Variants in ZEB2 observed in about 807,000 individuals in gnomAD.
ZEB2 encodes zinc finger E-box binding homeobox 2, also known as zinc finger E-box-binding homeobox 2.
Under a neutral mutation model 99.9 loss-of-function variants are expected in ZEB2, and 6 were observed. That is an observed-to-expected ratio of 0.06 (90% CI 0.03 to 0.12). ZEB2 has a LOEUF of 0.12. Among genes scored for constraint, ZEB2 ranks in the 10% least tolerant of loss-of-function variants. The probability of loss-of-function intolerance (pLI) is 1.00; values close to 1 mark genes in which losing one functional copy is unlikely to be tolerated. For synonymous variants in ZEB2, 517 were observed against 542.5 expected (o/e 0.95, Z 0.65); for missense variants, 969 against 1,502.8 (o/e 0.64, Z 5.87).
At chr2:144,446,005 CAT>C (rs1470017196) in intron 2 of ZEB2, among the ~76,000 whole-genome samples, 4 of 152,158 alleles carry the variant, frequency 2.6e-5, no homozygotes, top group Admixed American at 6.5e-5. Flanking sequence ...AGAGGTAAGA[CAT>C]GTGGGGATAC....
chr2:144,512,640 A>G (rs1159889545), intron 2 of ZEB2: 1 of 1,287,150 alleles, frequency 7.8e-7, no homozygotes, highest in African/African-American at 1.5e-5. Context: ...TAAAATCCTC[A>G]GCCCACCCTT....
Position 144,388,998 on chromosome 2 carries a change from T to C in ZEB2, c.*453A>G, listed in dbSNP as rs1429527818. Reference sequence around the variant, plus strand: ...AAGTACAGAGGAATCATAATACTGATGCATTGTAGTGCGAGCACATTAAAT... The same window carrying C: ...AAGTACAGAGGAATCATAATACTGACGCATTGTAGTGCGAGCACATTAAAT... On this transcript the variant is annotated 3_prime_UTR_variant, in exon 10 of 10. Transcript: ENST00000627532. The surrounding 1 kb of genome is among the most constrained non-coding windows in gnomAD (Gnocchi z 5.4). 2.4e-6 allele frequency: 1 copy of C among 414,796 alleles called. No homozygotes were observed. The highest frequency in any genetic ancestry group is 4.5e-6 in the Non-Finnish European group (1 of 220,548). 25.7% of individuals were successfully genotyped at this position (414,796 alleles called of 1,614,324 possible). A position where few individuals can be genotyped will look rare whatever the true frequency, so the allele number is the denominator to read the frequency against.
rs910719372 is a variant in ZEB2 at position 144,387,985 on chromosome 2, T to C, written c.*1466A>G. The C allele has an allele frequency of 6.5e-6, 1 of 152,746 alleles. No individual in the cohort carries two copies. The allele number at this position is 152,746 out of a possible 1,614,324, so 9.5% of individuals were successfully genotyped here. ...GTTAATGGTCATTGAAGGAAAACTCTCTAAAAGTACAGAACTCATTAACTA... is the reference window on the plus strand; with the variant it reads ...GTTAATGGTCATTGAAGGAAAACTCCCTAAAAGTACAGAACTCATTAACTA... On this transcript the variant is annotated 3_prime_UTR_variant, in exon 10 of 10. Transcript: ENST00000627532.
chr2:144,410,807 A>G (rs771973922), intron 4 of ZEB2, among the ~76,000 whole-genome samples: 4 of 151,994 alleles, frequency 2.6e-5, no homozygotes, highest in Non-Finnish European at 5.9e-5. Flanking sequence ...AAACATCAAA[A>G]TGAATAAATA....
chr2:144,509,474 A>T (rs1573812465), intron 2 of ZEB2, among the ~76,000 whole-genome samples: 2 of 152,306 alleles, frequency 1.3e-5, no homozygotes, highest in East Asian at 1.9e-4. Flanking sequence ...ATGTTCGCAC[A>T]ACTTCTAATA....
intron 2 of ZEB2, among the ~76,000 whole-genome samples, chr2:144,445,615 C>G (rs966619001): frequency 1.3e-5 from 2 of 152,128 alleles, no homozygotes; most frequent in African/African-American, 4.8e-5. Context: ...ACCAAGAATG[C>G]CTTTCCTCCC....
intron 4 of ZEB2, among the ~76,000 whole-genome samples, chr2:144,411,123 TACACACAC>T (rs3073686): frequency 3.4e-5 from 4 of 117,582 alleles, no homozygotes; most frequent in African/African-American, 1.3e-4. Flanking sequence ...ATCTCATATA[TACACACAC>T]ACACACACAC....
At chr2:144,408,267 T>C (rs924743817) in intron 4 of ZEB2, among the ~76,000 whole-genome samples, 2 of 152,204 alleles carry the variant, frequency 1.3e-5, no homozygotes, top group Non-Finnish European at 2.9e-5. Context: ...ATAAATTATG[T>C]CCTTAACACT....
chr2:144,485,304 G>T (rs926929666), intron 2 of ZEB2, among the ~76,000 whole-genome samples: 2 of 152,138 alleles, frequency 1.3e-5, no homozygotes, highest in African/African-American at 2.4e-5. Flanking sequence ...ATTATGCAAT[G>T]ATTTTAAAAT....
chr2:144,434,461 G>A (rs1560622812), intron 2 of ZEB2, among the ~76,000 whole-genome samples: 2 of 152,120 alleles, frequency 1.3e-5, no homozygotes, highest in African/African-American at 4.8e-5. Context: ...AGGTCAAATG[G>A]CTTGTCAAAG....
intron 4 of ZEB2, among the ~76,000 whole-genome samples, chr2:144,416,621 A>G (rs528706046): frequency 6.6e-6 from 1 of 152,232 alleles, no homozygotes; most frequent in African/African-American, 2.4e-5. Flanking sequence ...TCTTCTTCTG[A>G]TCTTACTGCT....
chr2:144,466,676 A>G (rs1704276621), intron 2 of ZEB2, among the ~76,000 whole-genome samples: 1 of 152,238 alleles, frequency 6.6e-6, no homozygotes, highest in Non-Finnish European at 1.5e-5. Flanking sequence ...AAAAATGTAC[A>G]GGACTATTAT....
chr2:144,424,126 A>C (rs201401357), intron 4 of ZEB2, among the ~76,000 whole-genome samples: 15 of 152,196 alleles, frequency 9.9e-5, no homozygotes, highest in Non-Finnish European at 1.9e-4. Flanking sequence ...AAAACATGGA[A>C]TATCACAGTT....
intron 6 of ZEB2, among the ~76,000 whole-genome samples, chr2:144,402,462 A>G (rs1194401455): frequency 6.6e-6 from 1 of 152,180 alleles, no homozygotes; most frequent in Admixed American, 6.5e-5. Flanking sequence ...ACCAGCGCTC[A>G]TATGTTGCTG....
chr2:144,515,034 C>T (rs188249466), intron 2 of ZEB2, among the ~76,000 whole-genome samples: 9 of 152,300 alleles, frequency 5.9e-5, no homozygotes, highest in Admixed American at 5.9e-4. Context: ...TTTCCTTAGA[C>T]CTGGGCTCTG....
intron 9 of ZEB2, among the ~76,000 whole-genome samples, chr2:144,390,298 T>G (rs1703139691): frequency 1.3e-5 from 2 of 152,204 alleles, no homozygotes; most frequent in Admixed American, 1.3e-4. Flanking sequence ...AGCTTTCCAT[T>G]GCTAATTGTC....
In ZEB2 at chr2:144,520,046, G is replaced by C. The variant is rs1450545772; in HGVS notation, c.-177C>G. 4.4e-6 allele frequency: 2 copies of C among 454,516 alleles called. No individual in the cohort carries two copies. The highest frequency in any genetic ancestry group is 4.7e-5 in the Admixed American group (2 of 42,574). The allele number at this position is 454,516 out of a possible 1,614,324, so 28.2% of individuals were successfully genotyped here. Reference sequence around the variant, plus strand: ...GGTGGAAGCGAAGAAACAGCTCCCGGAGCAAACTGTACAAAAACCTCGCCA... The same window carrying C: ...GGTGGAAGCGAAGAAACAGCTCCCGCAGCAAACTGTACAAAAACCTCGCCA... On this transcript the variant is annotated 5_prime_UTR_variant, in exon 1 of 10. Transcript: ENST00000627532.
intron 4 of ZEB2, among the ~76,000 whole-genome samples, chr2:144,412,588 G>A (rs1703480748): frequency 6.6e-6 from 1 of 152,174 alleles, no homozygotes; most frequent in African/African-American, 2.4e-5. Context: ...AGCAATCTGT[G>A]TTTTAACAAG....
chr2:144,413,282 G>A lies in ZEB2; in HGVS notation c.404-8258C>T, dbSNP rs574014726. Among the ~76,000 whole-genome samples, 21 of 152,258 alleles carry A rather than the reference G, an allele frequency of 1.4e-4. No homozygotes were observed. In the South Asian group the frequency reaches 3.9e-3, roughly 29 times the overall value. On this transcript the variant is annotated intron_variant, in intron 4 of 9. Coordinates refer to ENST00000627532, the MANE Select transcript of ZEB2 (RefSeq NM_014795.4). ...CAGACAACATCACAAGCAAAACAGC[G>A]CTTATTAAATATTTGTTGAATGAAT...
Sources: allele counts gnomAD v4.1 joint callset (sites outside exome capture counted in the v4.1 genomes callset), GRCh38; gene constraint gnomAD v4.1.1; non-coding constraint Gnocchi (gnomAD v3.1); transcripts MANE v1.5; gene names NCBI Gene and HGNC (gene_info 2026-07-23, HGNC 2026-07-21).